PLD1: variants seen among roughly 807,000 people sequenced by gnomAD.
PLD1 encodes the protein phospholipase D1, also known as choline phosphatase 1.
In PLD1, 112 loss-of-function variants were observed where a neutral mutation model predicts 137.1. The ratio of observed to expected loss-of-function variants is 0.82; its 90% CI spans 0.70 to 0.96. PLD1 has a LOEUF of 0.96. PLD1 is among the 40% of genes least tolerant of loss of function. The pLI is 0.00. For synonymous variants in PLD1, 431 were observed against 454.7 expected, an observed-to-expected ratio of 0.95 and a Z score of 0.66; for missense variants, 1,321 against 1,342.0, an observed-to-expected ratio of 0.98 and a Z score of 0.24.
intron 11 of PLD1, among the ~76,000 whole-genome samples, chr3:171,707,109 T>C (rs1416960323): frequency 1.3e-5 from 2 of 152,142 alleles, no homozygotes; most frequent in Non-Finnish European, 2.9e-5. Context: ...AAGTGGGAGC[T>C]AAATGATGAG....
intron 1 of PLD1, among the ~76,000 whole-genome samples, chr3:171,746,894 G>C (rs1429319275): frequency 2.0e-5 from 3 of 152,188 alleles, no homozygotes; most frequent in Non-Finnish European, 4.4e-5. Context: ...TGGAAGGTTT[G>C]TTCTTTTGCT....
In PLD1 at chr3:171,601,729, T is replaced by C. The variant is rs868706515; in HGVS notation, c.*1349A>G. On this transcript the variant is annotated 3_prime_UTR_variant, in exon 27 of 27. Transcript: ENST00000351298. ...AATGAGAGTATGTCCAGGTAATCCA[T>C]AGACATGTATAATCATTACACCTGC... 1.6e-4 allele frequency: 25 copies of C among 152,198 alleles called. No individual in the cohort carries two copies. The highest frequency in any genetic ancestry group is 2.2e-4 in the Non-Finnish European group (15 of 68,032). 9.4% of individuals were successfully genotyped at this position (152,198 alleles called of 1,614,324 possible).
At chr3:171,694,536 T>C (rs1715503821) in intron 12 of PLD1, among the ~76,000 whole-genome samples, 1 of 150,500 alleles carries the variant, frequency 6.6e-6, no homozygotes, top group Non-Finnish European at 1.5e-5. Flanking sequence ...TATTTTAGAA[T>C]TCAGCACTGA....
intron 21 of PLD1, among the ~76,000 whole-genome samples, chr3:171,657,206 C>A (rs1382729121): frequency 6.6e-6 from 1 of 152,082 alleles, no homozygotes; most frequent in Non-Finnish European, 1.5e-5. Flanking sequence ...AATACATGAC[C>A]TACTCTCAAG....
chr3:171,771,524 T>C (rs1023255988), intron 1 of PLD1: 1 of 152,258 alleles, frequency 6.6e-6, no homozygotes, highest in African/African-American at 2.4e-5. Context: ...GGCTGCACTT[T>C]TGTACTTGCT....
chr3:171,710,920 C>CTGGA (rs892981784), intron 9 of PLD1, among the ~76,000 whole-genome samples: 2 of 129,482 alleles, frequency 1.5e-5, no homozygotes, highest in African/African-American at 6.3e-5. Flanking sequence ...GTCGCCCAGG[C>CTGGA]TGGAGTGCAA....
chr3:171,654,179 T>C, intron 21 of PLD1: 1 of 336,498 alleles, frequency 3.0e-6, no homozygotes, highest in South Asian at 2.2e-5. Flanking sequence ...GGCGGGTGCC[T>C]GTAATCCCAG....
intron 1 of PLD1, among the ~76,000 whole-genome samples, chr3:171,739,914 G>A (rs1447724877): frequency 6.6e-6 from 1 of 152,106 alleles, no homozygotes; most frequent in Non-Finnish European, 1.5e-5. Context: ...GGAATAGATG[G>A]AACAGTTAAT....
At chr3:171,666,143 G>T (rs1434971640) in intron 19 of PLD1, 1 of 152,232 alleles carries the variant, frequency 6.6e-6, no homozygotes, top group Admixed American at 6.5e-5. Context: ...GGCCTAGGAA[G>T]TTTTATCAAC....
intron 1 of PLD1, among the ~76,000 whole-genome samples, chr3:171,780,023 G>A (rs1006132816): frequency 6.6e-6 from 1 of 151,482 alleles, no homozygotes; most frequent in Non-Finnish European, 1.5e-5. Flanking sequence ...TCAGGACGGG[G>A]GTTTATATAC....
intron 6 of PLD1, among the ~76,000 whole-genome samples, chr3:171,726,977 G>T (rs1718565168): frequency 6.6e-6 from 1 of 152,148 alleles, no homozygotes; most frequent in South Asian, 2.1e-4. Context: ...CTCTGCTGTT[G>T]TAGCACGGAA....
chr3:171,714,931 C>A (rs1010946236), intron 8 of PLD1, among the ~76,000 whole-genome samples: 2 of 152,124 alleles, frequency 1.3e-5, no homozygotes, highest in Admixed American at 6.5e-5. Context: ...AGAGATGACA[C>A]ACTCATGTGG....
chr3:171,714,288 TTAAACAC>T (rs1484739679), intron 8 of PLD1, among the ~76,000 whole-genome samples: 1 of 152,212 alleles, frequency 6.6e-6, no homozygotes, highest in Non-Finnish European at 1.5e-5. Context: ...CATTAGCTCT[TTAAACAC>T]TAATGGCAAA....
At chr3:171,687,848 C>A (rs1714737734) in intron 14 of PLD1, among the ~76,000 whole-genome samples, 1 of 152,146 alleles carries the variant, frequency 6.6e-6, no homozygotes, top group Non-Finnish European at 1.5e-5. Context: ...AACTTTTAAT[C>A]TCAAATACAA....
chr3:171,729,330 T>G (rs1222248276), intron 6 of PLD1, among the ~76,000 whole-genome samples: 1 of 152,202 alleles, frequency 6.6e-6, no homozygotes, highest in African/African-American at 2.4e-5. Context: ...AATTCCAACA[T>G]GATCTACCAA....
chr3:171,674,448 G>A (rs1335946322), intron 19 of PLD1, 52 bp downstream of exon 19: 13 of 938,822 alleles, frequency 1.4e-5, no homozygotes, highest in East Asian at 1.2e-4. Flanking sequence ...TCCAATAACA[G>A]TAATTTTACT....
chr3:171,633,802 TGGCTGCTAAA>T (rs2108341134), intron 23 of PLD1, among the ~76,000 whole-genome samples: 1 of 152,242 alleles, frequency 6.6e-6, no homozygotes, highest in South Asian at 2.1e-4. Flanking sequence ...TATACTAAAT[TGGCTGCTAAA>T]ATACCAAAAT....
chr3:171,652,476 G>C lies in PLD1; in HGVS notation c.2429+6737C>G, dbSNP rs563328918. On this transcript the variant is annotated intron_variant, in intron 21 of 26. Transcript: ENST00000351298. The stretch of plus-strand genomic sequence containing the variant: ...CTTTAAGACAAGGCTTCTGAAACAA[G>C]CCCAACATGTCTTTTCAGTTTGGTA... Among the ~76,000 whole-genome samples, 228 of 150,462 alleles carry C rather than the reference G, an allele frequency of 1.5e-3. 2 individuals carry two copies. In the Middle Eastern group the frequency reaches 0.028, roughly 19 times the overall value.
chr3:171,607,329 G>C (rs1305995309), intron 25 of PLD1, among the ~76,000 whole-genome samples: 1 of 152,220 alleles, frequency 6.6e-6, no homozygotes, highest in South Asian at 2.1e-4. Context: ...TAATACCTTT[G>C]ATTTGGGCCA....
Sources: allele counts gnomAD v4.1 joint callset (sites outside exome capture counted in the v4.1 genomes callset), GRCh38; gene constraint gnomAD v4.1.1; transcripts MANE v1.5; gene names NCBI Gene and HGNC (gene_info 2026-07-23, HGNC 2026-07-21).